The following INPP4B variants were observed in gnomAD, a reference collection of about 807,000 sequenced individuals.
INPP4B encodes the protein inositol polyphosphate 4-phosphatase type II.
INPP4B carries 55 observed loss-of-function variants against 122.5 expected under a neutral mutation model. That is an observed-to-expected ratio of 0.45 (90% CI 0.36 to 0.56). The LOEUF (loss-of-function observed/expected upper bound fraction) is 0.56. INPP4B is among the 20% of genes least tolerant of loss of function. The pLI is 0.00. For missense variants in INPP4B, 1,000 were observed against 1,097.7 expected, an observed-to-expected ratio of 0.91 and a Z score of 1.26; for synonymous variants, 403 against 388.7, an observed-to-expected ratio of 1.04 and a Z score of -0.43.
intron 17 of INPP4B, among the ~76,000 whole-genome samples, chr4:142,157,899 T>TA (rs2152895542): frequency 6.6e-6 from 1 of 152,172 alleles, no homozygotes. Context: ...CACATGGTTC[T>TA]ACTTTATGGA....
At chr4:142,551,177 C>T (rs1306644773) in intron 2 of INPP4B, among the ~76,000 whole-genome samples, 1 of 152,194 alleles carries the variant, frequency 6.6e-6, no homozygotes, top group Non-Finnish European at 1.5e-5. Context: ...TCTCTGGCAA[C>T]AGCATCCAAT....
chr4:142,489,709 C>T (rs1821625869), intron 2 of INPP4B, among the ~76,000 whole-genome samples: 1 of 151,992 alleles, frequency 6.6e-6, no homozygotes, highest in Non-Finnish European at 1.5e-5. Context: ...GGTGTTTAGG[C>T]TTTTTTGTCT....
chr4:142,411,445 A>T (rs1216906691), intron 5 of INPP4B, among the ~76,000 whole-genome samples: 3 of 152,242 alleles, frequency 2.0e-5, no homozygotes, highest in African/African-American at 7.2e-5. Flanking sequence ...ATAGTCTGAT[A>T]GAAGCATACC....
chr4:142,309,518 A>C (rs72722494), intron 8 of INPP4B, among the ~76,000 whole-genome samples: 1 of 152,294 alleles, frequency 6.6e-6, no homozygotes, highest in Non-Finnish European at 1.5e-5. Context: ...GTAGATAAGG[A>C]ACTGGGGCCT....
chr4:142,306,116 TAA>T (rs1344889617), intron 8 of INPP4B, among the ~76,000 whole-genome samples: 1 of 152,186 alleles, frequency 6.6e-6, no homozygotes. Context: ...TGGCACTTAT[TAA>T]GTTACATTTT....
Position 142,193,068 on chromosome 4 carries a change from T to A in INPP4B, c.1181+19A>T. The A allele has an allele frequency of 4.2e-6, 6 of 1,428,326 alleles. No homozygotes were observed. The highest frequency in any genetic ancestry group is 5.9e-6 in the Non-Finnish European group (6 of 1,010,984). 88.5% of individuals were successfully genotyped at this position (1,428,326 alleles called of 1,614,324 possible). A position where few individuals can be genotyped will look rare whatever the true frequency, so the allele number is the denominator to read the frequency against. ...GATGTTATTAATGGAATCTGTGCTT[T>A]CCTCCTGTCTTTACTTACTTTCTTC... is the stretch of plus-strand genomic sequence containing the variant. On this transcript the variant is annotated intron_variant, in intron 15 of 25. Transcript: ENST00000262992.
chr4:142,028,952 A>G lies in INPP4B; in HGVS notation c.2643-38T>C, dbSNP rs778108148. ...GAAAAAGTACAACTTCATGAAACAC[A>G]GAATAAATAAATATGCTTTATTTGT... On this transcript the variant is annotated intron_variant, in intron 25 of 25. Coordinates refer to ENST00000262992, the MANE Select transcript of INPP4B (RefSeq NM_001101669.3). 3 of 1,589,410 alleles carry G rather than the reference A, an allele frequency of 1.9e-6. No homozygotes were observed. In the Admixed American group the frequency reaches 5.4e-5, roughly 29 times the overall value.
chr4:142,248,843 G>T (rs1256277633), intron 11 of INPP4B, among the ~76,000 whole-genome samples: 1 of 151,916 alleles, frequency 6.6e-6, no homozygotes, highest in Non-Finnish European at 1.5e-5. Flanking sequence ...AATTCTAACT[G>T]ATTGGAGATT....
intron 24 of INPP4B, 97 bp downstream of exon 24, chr4:142,086,047 C>T: frequency 3.8e-6 from 3 of 794,374 alleles, no homozygotes; most frequent in Non-Finnish European, 6.4e-6. Flanking sequence ...CACCTGGCAA[C>T]CCAAAGTGCA....
At chr4:142,340,943 C>G (rs1778507854) in intron 7 of INPP4B, among the ~76,000 whole-genome samples, 1 of 152,100 alleles carries the variant, frequency 6.6e-6, no homozygotes, top group Non-Finnish European at 1.5e-5. Context: ...GAGAAAGGAC[C>G]TAGAGAGCTT....
intron 1 of INPP4B, among the ~76,000 whole-genome samples, chr4:142,728,476 T>G (rs949043912): frequency 2.6e-5 from 4 of 152,166 alleles, no homozygotes; most frequent in Non-Finnish European, 5.9e-5. Flanking sequence ...AGAAAGAATC[T>G]TTATGCAATT....
chr4:142,029,681 T>C (rs564361806), intron 25 of INPP4B: 9 of 985,676 alleles, frequency 9.1e-6, no homozygotes, highest in Non-Finnish European at 1.1e-5. Context: ...TTAAAAAAAA[T>C]TTCTATCAGC....
At chr4:142,376,683 C>T (rs892676501) in intron 7 of INPP4B, among the ~76,000 whole-genome samples, 3 of 151,994 alleles carry the variant, frequency 2.0e-5, no homozygotes, top group African/African-American at 7.2e-5. Context: ...GAAATCATCA[C>T]CCAACTCAAA....
rs541647694 is a variant in INPP4B, at chr4:142,258,711, T to C, written c.688+1781A>G. On this transcript the variant is annotated intron_variant, in intron 11 of 25. Transcript: ENST00000262992. Reference sequence around the variant, plus strand: ...TTAAAAAGTCAGGAAACAACAGGTGTTGGAGAGGACGTGGAGAAATAGGAA... The same window carrying C: ...TTAAAAAGTCAGGAAACAACAGGTGCTGGAGAGGACGTGGAGAAATAGGAA... 8.2e-4 allele frequency among the ~76,000 whole-genome samples: 125 copies of C among 152,012 alleles called. 1 individual carries two copies. The highest frequency in any genetic ancestry group is 6.8e-3 in the Middle Eastern group (2 of 294).
chr4:142,519,228 T>C (rs1389926209), intron 2 of INPP4B, among the ~76,000 whole-genome samples: 1 of 152,136 alleles, frequency 6.6e-6, no homozygotes, highest in Non-Finnish European at 1.5e-5. Flanking sequence ...TCTAAGTTAT[T>C]TGTGTCCATT....
intron 1 of INPP4B, among the ~76,000 whole-genome samples, chr4:142,773,042 TA>T (rs2151004744): frequency 1.3e-5 from 2 of 151,760 alleles, no homozygotes; most frequent in South Asian, 4.2e-4. Context: ...AAACTTTGTC[TA>T]AAAAAAAGTT....
intron 2 of INPP4B, among the ~76,000 whole-genome samples, chr4:142,626,247 G>A (rs978109575): frequency 6.6e-5 from 10 of 152,044 alleles, no homozygotes; most frequent in Non-Finnish European, 1.5e-4. Context: ...GAACATGATG[G>A]ACTATCATCC....
intron 7 of INPP4B, among the ~76,000 whole-genome samples, chr4:142,398,723 G>A (rs1188280173): frequency 6.6e-6 from 1 of 151,940 alleles, no homozygotes; most frequent in Non-Finnish European, 1.5e-5. Flanking sequence ...AAACTGCCCT[G>A]GGCATATAAC....
intron 2 of INPP4B, among the ~76,000 whole-genome samples, chr4:142,626,132 TG>T: frequency 6.6e-6 from 1 of 152,156 alleles, no homozygotes; most frequent in South Asian, 2.1e-4. Context: ...AATTGACAAA[TG>T]GGATCTCATT....
Sources: gnomAD v4.1 joint callset for allele counts (sites outside exome capture counted in the v4.1 genomes callset) on GRCh38, gnomAD v4.1.1 for gene constraint, MANE v1.5 for transcripts, NCBI Gene and HGNC (gene_info 2026-07-23, HGNC 2026-07-21) for gene names.